TNS3: variants seen among roughly 807,000 people sequenced by gnomAD.
TNS3 encodes the protein tensin-3.
Under a neutral mutation model 140.9 loss-of-function variants are expected in TNS3, and 45 were observed. The observed-to-expected ratio is 0.32, with a 90% CI of 0.25 to 0.41. TNS3 has a LOEUF of 0.41. Among genes scored for constraint, TNS3 ranks in the 10% least tolerant of loss-of-function variants. The pLI is 1.00. For missense variants in TNS3, 1,716 were observed against 1,906.7 expected (o/e 0.90, Z 1.86); for synonymous variants, 815 against 788.4 (o/e 1.03, Z -0.56).
chr7:47,351,965 CACACACTT>C (rs1401628730), intron 17 of TNS3, among the ~76,000 whole-genome samples: 1 of 152,142 alleles, frequency 6.6e-6, no homozygotes, highest in African/African-American at 2.4e-5. Context: ...TTTTCACACC[CACACACTT>C]GCAGACACAT....
At chr7:47,366,719 C>T (rs927534158) in intron 17 of TNS3, among the ~76,000 whole-genome samples, 1 of 152,238 alleles carries the variant, frequency 6.6e-6, no homozygotes, top group Non-Finnish European at 1.5e-5. Flanking sequence ...CTCTACTATG[C>T]AGGTCCCATG....
chr7:47,529,063 T>C lies in TNS3; in HGVS notation c.-180A>G, dbSNP rs1467144823. The C allele has an allele frequency of 7.8e-7, 1 of 1,288,828 alleles. No individual in the cohort carries two copies. The highest frequency in any genetic ancestry group is 1.2e-5 in the South Asian group (1 of 80,722). 79.8% of individuals were successfully genotyped at this position (1,288,828 alleles called of 1,614,324 possible). A position where few individuals can be genotyped will look rare whatever the true frequency, so the allele number is the denominator to read the frequency against. Reference sequence around the variant, plus strand: ...CGGCATGAAATACCTTGACCGTCAATAATTTGTTTGCAAACTCCACACACT... The same window carrying C: ...CGGCATGAAATACCTTGACCGTCAACAATTTGTTTGCAAACTCCACACACT... On this transcript the variant is annotated 5_prime_UTR_variant, in exon 2 of 31. Coordinates refer to ENST00000311160, the MANE Select transcript of TNS3 (RefSeq NM_022748.12).
rs573394212 is a variant in TNS3 at position 47,290,971 on chromosome 7, C to T, written c.3928+984G>A. 7.2e-4 allele frequency among the ~76,000 whole-genome samples: 110 copies of T among 152,148 alleles called. 1 individual carries two copies. Among genetic ancestry groups the T allele is most frequent in the Middle Eastern group, 3.4e-3 (1 of 294 alleles). On this transcript the variant is annotated intron_variant, in intron 27 of 30. Coordinates refer to ENST00000311160, the MANE Select transcript of TNS3 (RefSeq NM_022748.12). Reference sequence around the variant, plus strand: ...AGGTGAATGGGTTACTAAACTGATACACCCAGACAAGGAAATATTTGCTGC... The same window carrying T: ...AGGTGAATGGGTTACTAAACTGATATACCCAGACAAGGAAATATTTGCTGC...
At chr7:47,384,772 G>A (rs907341106) in intron 16 of TNS3, among the ~76,000 whole-genome samples, 3 of 152,114 alleles carry the variant, frequency 2.0e-5, no homozygotes, top group Admixed American at 2.0e-4. Context: ...CCAAATTTAA[G>A]ACATCGAGGG....
chr7:47,540,715 T>C lies in TNS3; in HGVS notation c.-264-11568A>G, dbSNP rs142225024. Among the ~76,000 whole-genome samples, 499 of 152,274 alleles carry C rather than the reference T, an allele frequency of 3.3e-3. 2 individuals carry two copies. Among genetic ancestry groups the C allele is most frequent in the African/African-American group, 0.011 (471 of 41,558 alleles). The stretch of plus-strand genomic sequence containing the variant: ...TGACTTGAAGCAGAAGCAGACACTT[T>C]CCAGACAGGAAAAGAGGTGAGGAGA... On this transcript the variant is annotated intron_variant, in intron 1 of 30. Transcript: ENST00000311160.
At chr7:47,409,323 G>C (rs1793627516) in intron 13 of TNS3, among the ~76,000 whole-genome samples, 1 of 148,462 alleles carries the variant, frequency 6.7e-6, no homozygotes, top group African/African-American at 2.5e-5. Flanking sequence ...AACAGCCCAG[G>C]GGAGAGGGCC....
At chr7:47,332,804 A>T (rs1774322872) in intron 20 of TNS3, among the ~76,000 whole-genome samples, 1 of 152,042 alleles carries the variant, frequency 6.6e-6, no homozygotes, top group Non-Finnish European at 1.5e-5. Context: ...ACTGTTCAAG[A>T]TCACAGAGCT....
intron 3 of TNS3, among the ~76,000 whole-genome samples, chr7:47,506,599 T>C (rs370009015): frequency 9.9e-5 from 15 of 151,688 alleles, no homozygotes; most frequent in African/African-American, 3.6e-4. Context: ...AGAGGCAGTA[T>C]GACAAGGCAG....
At chr7:47,409,428 A>G (rs527793757) in intron 13 of TNS3, among the ~76,000 whole-genome samples, 14 of 152,148 alleles carry the variant, frequency 9.2e-5, no homozygotes, top group African/African-American at 3.1e-4. Flanking sequence ...AGGGGGGAAG[A>G]CACATCTTAG....
chr7:47,459,378 T>C (rs1199332239), intron 4 of TNS3, among the ~76,000 whole-genome samples: 1 of 152,164 alleles, frequency 6.6e-6, no homozygotes, highest in Non-Finnish European at 1.5e-5. Context: ...TATTTAAGCA[T>C]ATTTTATCCC....
At chr7:47,562,263 T>A (rs1800331877) in intron 1 of TNS3, among the ~76,000 whole-genome samples, 1 of 151,996 alleles carries the variant, frequency 6.6e-6, no homozygotes, top group Non-Finnish European at 1.5e-5. Context: ...AACAGAGTTC[T>A]GCAAAAAAAA....
intron 3 of TNS3, among the ~76,000 whole-genome samples, chr7:47,504,068 T>C (rs1463055857): frequency 6.6e-6 from 1 of 152,176 alleles, no homozygotes; most frequent in African/African-American, 2.4e-5. Flanking sequence ...CAAGGGGGAC[T>C]AGAAAGGCTT....
chr7:47,376,498 C>G (rs373037898), intron 16 of TNS3, among the ~76,000 whole-genome samples: 1 of 152,174 alleles, frequency 6.6e-6, no homozygotes, highest in East Asian at 1.9e-4. Context: ...CCCCAGGGAT[C>G]CTACTCAATT....
chr7:47,277,626 C>A lies in TNS3; in HGVS notation c.*450G>T, dbSNP rs867268442. ...GGAAGACCGAGGTGAGGGAAACCCC[C>A]GGCCTCGGGTGCAGCTGGACAGAAG... On this transcript the variant is annotated 3_prime_UTR_variant, in exon 31 of 31. Transcript: ENST00000311160. The A allele has an allele frequency of 6.7e-5, 16 of 238,038 alleles. No homozygotes were observed. Among genetic ancestry groups the A allele is most frequent in the African/African-American group, 2.5e-4 (11 of 43,536 alleles). 14.7% of individuals were successfully genotyped at this position (238,038 alleles called of 1,614,324 possible). A position where few individuals can be genotyped will look rare whatever the true frequency, so the allele number is the denominator to read the frequency against.
intron 8 of TNS3, among the ~76,000 whole-genome samples, chr7:47,430,701 G>A (rs1794887381): frequency 6.6e-6 from 1 of 151,694 alleles, no homozygotes; most frequent in South Asian, 2.1e-4. Flanking sequence ...AATTTAAGGA[G>A]ACTGAAATCA....
At chr7:47,346,154 GC>G in intron 18 of TNS3, 32 bp downstream of exon 18, 1 of 1,608,384 alleles carries the variant, frequency 6.2e-7, no homozygotes, top group East Asian at 2.2e-5. Flanking sequence ...AGTGGAATGG[GC>G]CCAGAAACTG....
chr7:47,288,496 G>A (rs905676002), intron 27 of TNS3, among the ~76,000 whole-genome samples: 4 of 152,382 alleles, frequency 2.6e-5, no homozygotes, highest in African/African-American at 9.6e-5. Context: ...TCAGAGTGGA[G>A]CTGGTTTTGT....
intron 4 of TNS3, among the ~76,000 whole-genome samples, chr7:47,475,868 G>T (rs1797177769): frequency 1.3e-5 from 2 of 152,284 alleles, no homozygotes; most frequent in Admixed American, 1.3e-4. Context: ...TCTGACCGTG[G>T]TGCCTCCAAG....
intron 1 of TNS3, among the ~76,000 whole-genome samples, chr7:47,536,836 C>T (rs1799615310): frequency 6.6e-6 from 1 of 152,210 alleles, no homozygotes; most frequent in South Asian, 2.1e-4. Context: ...CGTGGACGTG[C>T]AGACGGGGTG....
Sources: gnomAD v4.1 joint callset for allele counts (sites outside exome capture counted in the v4.1 genomes callset) on GRCh38, gnomAD v4.1.1 for gene constraint, MANE v1.5 for transcripts, NCBI Gene and HGNC (gene_info 2026-07-23, HGNC 2026-07-21) for gene names.